Variants in PHF14 observed in about 807,000 individuals in gnomAD.
PHF14 encodes the protein PHD finger protein 14.
Under a neutral mutation model 117.9 loss-of-function variants are expected in PHF14, and 55 were observed. The observed-to-expected ratio is 0.47, with a 90% CI of 0.38 to 0.58. The LOEUF (loss-of-function observed/expected upper bound fraction) is 0.58. Ranked by LOEUF, PHF14 falls within the 20% of genes least tolerant of loss-of-function variation. PHF14 has a pLI of 0.00. For missense variants in PHF14, 978 were observed against 1,122.2 expected, an observed-to-expected ratio of 0.87 and a Z score of 1.84; for synonymous variants, 409 against 368.6, an observed-to-expected ratio of 1.11 and a Z score of -1.26.
rs1554299508 is a variant in PHF14, at chr7:10,988,016, C to CCCA, written c.901-2687_901-2686insCCA. 1.0e-3 allele frequency among the ~76,000 whole-genome samples: 116 copies of CCCA among 115,632 alleles called. 3 individuals carry two copies. Among genetic ancestry groups the CCCA allele is most frequent in the East Asian group, 2.4e-3 (9 of 3,786 alleles). 75.9% of individuals were successfully genotyped at this position (115,632 alleles called of 152,430 possible). ...GGGCAACAAGAGCGAAACTCCTTCT[C>CCCA]AAAAAAAAAAAAAAAAGAAAAAGAA... On this transcript the variant is annotated intron_variant, in intron 3 of 17. Transcript: ENST00000634607.
intron 17 of PHF14, among the ~76,000 whole-genome samples, chr7:11,111,732 C>T (rs184809180): frequency 4.0e-4 from 61 of 151,762 alleles, no homozygotes; most frequent in African/African-American, 1.4e-3. Context: ...AATAGTGCTC[C>T]GAAAGCCCAA....
chr7:11,153,080 G>A (rs1788745952), intron 17 of PHF14, among the ~76,000 whole-genome samples: 1 of 152,060 alleles, frequency 6.6e-6, no homozygotes, highest in African/African-American at 2.4e-5. Context: ...TGGGTGGATT[G>A]TGATGTGATG....
Position 11,047,748 on chromosome 7 carries a change from T to A in PHF14, c.2313-3864T>A, listed in dbSNP as rs1784718852. ...CTACAATGAGCTGAGATTGCGCCAGTGCTCTCCAATCTGGGTGACAGAGTG... is the reference window on the plus strand; with the variant it reads ...CTACAATGAGCTGAGATTGCGCCAGAGCTCTCCAATCTGGGTGACAGAGTG... On this transcript the variant is annotated intron_variant, in intron 13 of 17. Transcript: ENST00000634607. Among the ~76,000 whole-genome samples, 5 of 148,422 alleles carry A rather than the reference T, an allele frequency of 3.4e-5. No individual in the cohort carries two copies. The Admixed American group carries it at 3.4e-4, about 10-fold the overall frequency.
At chr7:11,070,438 T>C (rs1424680871) in intron 16 of PHF14, among the ~76,000 whole-genome samples, 1 of 152,236 alleles carries the variant, frequency 6.6e-6, no homozygotes, top group Non-Finnish European at 1.5e-5. Context: ...TTCTTTCTTA[T>C]ATGTCAGCAC....
chr7:11,129,656 G>A (rs1788035284), intron 17 of PHF14, among the ~76,000 whole-genome samples: 1 of 150,970 alleles, frequency 6.6e-6, no homozygotes, highest in Non-Finnish European at 1.5e-5. Flanking sequence ...TTAGCAATAG[G>A]AGTCTCATTT....
At chr7:11,048,484 T>C (rs920161920) in intron 13 of PHF14, among the ~76,000 whole-genome samples, 1 of 152,102 alleles carries the variant, frequency 6.6e-6, no homozygotes, top group African/African-American at 2.4e-5. Context: ...AGGCAGAGAA[T>C]TGCTTGAACC....
At chr7:11,072,848 T>C (rs1321936446) in intron 16 of PHF14, among the ~76,000 whole-genome samples, 1 of 152,180 alleles carries the variant, frequency 6.6e-6, no homozygotes, top group Non-Finnish European at 1.5e-5. Flanking sequence ...GGTGAGCCAG[T>C]ATATCACATA....
intron 4 of PHF14, among the ~76,000 whole-genome samples, chr7:10,992,970 T>A (rs540611225): frequency 6.6e-6 from 1 of 152,306 alleles, no homozygotes; most frequent in East Asian, 1.9e-4. Flanking sequence ...GTTCCTAATA[T>A]GATTAGATTT....
chr7:11,166,106 T>C (rs531115795), intron 17 of PHF14, among the ~76,000 whole-genome samples: 1 of 152,352 alleles, frequency 6.6e-6, no homozygotes, highest in South Asian at 2.1e-4. Context: ...AAAGTTGTTA[T>C]AGTCAGTGTA....
intron 6 of PHF14, 43 bp from the exon 7 acceptor site, chr7:11,028,638 G>C: frequency 6.3e-7 from 1 of 1,598,780 alleles, no homozygotes; most frequent in Non-Finnish European, 8.6e-7. Flanking sequence ...CTTTAGTCTG[G>C]AAATAAGTTT....
intron 13 of PHF14, 85 bp from the exon 14 acceptor site, chr7:11,051,527 A>T: frequency 9.5e-7 from 1 of 1,054,322 alleles, no homozygotes; most frequent in Non-Finnish European, 1.4e-6. Context: ...ATTCTTATAT[A>T]CCTGGATTTT....
At chr7:11,059,985 C>G (rs144357890) in intron 14 of PHF14, among the ~76,000 whole-genome samples, 2,113 of 152,180 alleles carry the variant, frequency 0.014, 40 homozygotes, top group African/African-American at 0.049. Flanking sequence ...ATCTTCCCAC[C>G]ACAGCCTCCT....
chr7:11,147,531 C>T (rs1788582744), intron 17 of PHF14, among the ~76,000 whole-genome samples: 1 of 152,134 alleles, frequency 6.6e-6, no homozygotes. Flanking sequence ...TCTTATCAGA[C>T]CCAATAGTTA....
intron 12 of PHF14, among the ~76,000 whole-genome samples, chr7:11,041,762 G>A (rs2128323817): frequency 6.6e-6 from 1 of 151,686 alleles, no homozygotes; most frequent in East Asian, 1.9e-4. Context: ...TGACTTTTAT[G>A]ACTACAATTC....
At chr7:11,016,972 G>T (rs541099963) in intron 5 of PHF14, among the ~76,000 whole-genome samples, 10 of 152,032 alleles carry the variant, frequency 6.6e-5, no homozygotes, top group Admixed American at 5.9e-4. Flanking sequence ...TTGGTTTTTA[G>T]ATCCCACAAA....
intron 4 of PHF14, among the ~76,000 whole-genome samples, chr7:11,008,563 C>G (rs115043533): frequency 0.013 from 1,923 of 152,242 alleles, 44 homozygotes; most frequent in East Asian, 0.1. Flanking sequence ...GCCTGATGAT[C>G]TGAGGTGGAA....
In PHF14 at chr7:11,130,111, G is replaced by A. The variant is rs901495938; in HGVS notation, c.2772+18644G>A. ...AGCTCTGCTCATTATAGTCACTTGG[G>A]GACCCGAGCTGATGGAGGTTTTGTT... On this transcript the variant is annotated intron_variant, in intron 17 of 17. Coordinates refer to ENST00000634607, the MANE Select transcript of PHF14 (RefSeq NM_001007157.2). The surrounding 1 kb of genome is among the most constrained non-coding windows in gnomAD (Gnocchi z 4.2). Among the ~76,000 whole-genome samples, 1 of 151,966 alleles carries A rather than the reference G, an allele frequency of 6.6e-6. No individual in the cohort carries two copies. The highest frequency in any genetic ancestry group is 2.4e-5 in the African/African-American group (1 of 41,386).
At chr7:11,122,331 TTATATATATATATA>T (rs146463909) in intron 17 of PHF14, among the ~76,000 whole-genome samples, 1 of 84,054 alleles carries the variant, frequency 1.2e-5, no homozygotes, top group Non-Finnish European at 2.2e-5. Context: ...TTTGTACTTT[TTATATATATATATA>T]TATATATACA....
intron 17 of PHF14, among the ~76,000 whole-genome samples, chr7:11,145,197 C>A (rs1788511286): frequency 6.6e-6 from 1 of 151,856 alleles, no homozygotes; most frequent in African/African-American, 2.4e-5. Context: ...TGAAAGGTCC[C>A]AGCAAAATAT....
Sources: allele counts gnomAD v4.1 joint callset (sites outside exome capture counted in the v4.1 genomes callset), GRCh38; gene constraint gnomAD v4.1.1; non-coding constraint Gnocchi (gnomAD v3.1); transcripts MANE v1.5; gene names NCBI Gene and HGNC (gene_info 2026-07-23, HGNC 2026-07-21).